The following RTEL1 variants were observed in gnomAD, a reference collection of about 807,000 sequenced individuals.
The protein encoded by RTEL1 is regulator of telomere length.
Under a neutral mutation model 162.2 loss-of-function variants are expected in RTEL1, and 86 were observed. The ratio of observed to expected loss-of-function variants is 0.53; its 90% CI spans 0.45 to 0.63. RTEL1 has a LOEUF of 0.63. Ranked by LOEUF, RTEL1 falls within the 30% of genes least tolerant of loss-of-function variation. The pLI is 0.00. For synonymous variants in RTEL1, 958 were observed against 717.9 expected, an observed-to-expected ratio of 1.33 and a Z score of -5.35; for missense variants, 1,941 against 1,750.2, an observed-to-expected ratio of 1.11 and a Z score of -1.95.
rs756091219 is a variant in RTEL1 at position 63,693,293 on chromosome 20, G to C, written c.2992+10G>C. On this transcript the variant is annotated intron_variant, in intron 30 of 34. Coordinates refer to ENST00000360203, the MANE Select transcript of RTEL1 (RefSeq NM_001283009.2). Reference sequence around the variant, plus strand: ...GTCCTGGACCCCACTGGTAAATGGGGCCCCAGGTGGGACCCTCAGACTCCT... The same window carrying C: ...GTCCTGGACCCCACTGGTAAATGGGCCCCCAGGTGGGACCCTCAGACTCCT... 1 of 1,611,246 alleles carries C rather than the reference G, an allele frequency of 6.2e-7. No individual in the cohort carries two copies. The highest frequency in any genetic ancestry group is 1.3e-5 in the African/African-American group (1 of 74,916).
At position 63,693,277 on chromosome 20, in the gene RTEL1, C is replaced by G. The variant is rs1288848082; in HGVS notation, c.2986C>G (p.Pro996Ala). Residue 996 changes from proline to alanine, a missense_variant, in exon 30 of 35, where the codon CCC becomes GCC. By Grantham distance (27) the Pro-to-Ala change is conservative. Coordinates refer to ENST00000360203, the MANE Select transcript of RTEL1 (RefSeq NM_001283009.2). ...RRQRAQPVLD[P>A]TGRTAPDPKL... ...GCAGCGGGCACAGCCGGTCCTGGAC[C>G]CCACTGGTAAATGGGGCCCCAGGTG... The G allele has an allele frequency of 1.2e-6, 2 of 1,611,674 alleles. No homozygotes were observed. Among genetic ancestry groups the G allele is most frequent in the Non-Finnish European group, 8.5e-7 (1 of 1,179,358 alleles).
intron 10 of RTEL1, among the ~76,000 whole-genome samples, chr20:63,675,647 G>A (rs2090333961): frequency 1.3e-5 from 2 of 152,128 alleles, no homozygotes; most frequent in Non-Finnish European, 2.9e-5. Flanking sequence ...TTAAAGCGCC[G>A]GGACCACAGG....
At chr20:63,690,003 G>A (rs1601170236) in intron 24 of RTEL1, 84 bp from the exon 25 acceptor site, 1 of 1,570,308 alleles carries the variant, frequency 6.4e-7, no homozygotes, top group South Asian at 1.1e-5. Context: ...TGGGGCCCCT[G>A]CAGCAGATGA....
chr20:63,674,168 G>A (rs1384485488), intron 10 of RTEL1, 75 bp downstream of exon 10: 65 of 1,529,954 alleles, frequency 4.2e-5, no homozygotes, highest in Admixed American at 3.4e-4. Flanking sequence ...AGTTCAGCAC[G>A]GACTCCCCCA....
chr20:63,682,965 TGTG>T (rs2090508436), intron 14 of RTEL1, among the ~76,000 whole-genome samples: 1 of 152,108 alleles, frequency 6.6e-6, no homozygotes, highest in South Asian at 2.1e-4. Flanking sequence ...CAGGGGGATT[TGTG>T]GTGGTGTTTT....
At chr20:63,683,788 G>T (rs1192681556) in intron 14 of RTEL1, among the ~76,000 whole-genome samples, 1 of 152,096 alleles carries the variant, frequency 6.6e-6, no homozygotes, top group South Asian at 2.1e-4. Flanking sequence ...GTCGTCACGC[G>T]CTCCTCTCCT....
intron 6 of RTEL1, among the ~76,000 whole-genome samples, 166 bp from the exon 7 acceptor site, chr20:63,665,838 T>C (rs2090114874): frequency 6.6e-6 from 1 of 152,178 alleles, no homozygotes; most frequent in Admixed American, 6.5e-5. Context: ...GGGCCTCTCT[T>C]GGGCACCTGA....
At position 63,693,021 on chromosome 20, in the gene RTEL1, G is replaced by GGCCACCCACCCTGAGGGCAGTGCT; in HGVS notation, c.2851+22_2851+45dup. ...GCTCCAAGGTGCCCTGGCTTGCAGA[G>GGCCACCCACCCTGAGGGCAGTGCT]GCCACCCACCCTGAGGGCAGTGCTG... is the stretch of plus-strand genomic sequence containing the variant. On this transcript the variant is annotated intron_variant, in intron 29 of 34. Transcript: ENST00000360203. 2 of 1,612,060 alleles carry GGCCACCCACCCTGAGGGCAGTGCT rather than the reference G, an allele frequency of 1.2e-6. No homozygotes were observed. The highest frequency in any genetic ancestry group is 2.2e-5 in the South Asian group (2 of 91,080).
rs1193559710 is a variant in RTEL1, at chr20:63,689,114, G to A, written c.1860G>A (p.Leu620=). 6.2e-7 allele frequency: 1 copy of A among 1,609,914 alleles called. No individual in the cohort carries two copies. The highest frequency in any genetic ancestry group is 8.5e-7 in the Non-Finnish European group (1 of 1,179,866). The part of the protein sequence containing the change: ...AAPGSTGATF[L]AVCRGKASEG... ...CTGGGTCCACCGGCGCCACCTTCCT[G>A]GCGGTCTGCCGGGGCAAGGTGAGCT... The change falls in exon 22 of 35, where the codon CTG becomes CTA. Residue 620 remains leucine (L), a synonymous_variant. Coordinates refer to ENST00000360203, the MANE Select transcript of RTEL1 (RefSeq NM_001283009.2).
intron 10 of RTEL1, among the ~76,000 whole-genome samples, chr20:63,677,455 A>C (rs569315352): frequency 7.2e-5 from 11 of 152,164 alleles, no homozygotes; most frequent in Non-Finnish European, 1.5e-4. Context: ...TCTCTACTAA[A>C]AATGCGAAAA....
chr20:63,675,226 G>C (rs2090325637), intron 10 of RTEL1, among the ~76,000 whole-genome samples: 1 of 152,190 alleles, frequency 6.6e-6, no homozygotes, highest in African/African-American at 2.4e-5. Flanking sequence ...TTTCTACATG[G>C]CTTCTGTAAA....
rs762474261 is a variant in RTEL1 at position 63,693,276 on chromosome 20, C to A, written c.2985C>A (p.Asp995Glu). ...GGCAGCGGGCACAGCCGGTCCTGGA[C>A]CCCACTGGTAAATGGGGCCCCAGGT... The part of the protein sequence containing the change: ...PRRQRAQPVL[D>E]PTGRTAPDPK... The change falls in exon 30 of 35, where the codon GAC becomes GAA. Residue 995 changes from aspartate to glutamate, a missense_variant. Coordinates refer to ENST00000360203, the MANE Select transcript of RTEL1 (RefSeq NM_001283009.2). 3.8e-5 allele frequency: 61 copies of A among 1,611,620 alleles called. No individual in the cohort carries two copies. In the East Asian group the frequency reaches 9.8e-4, roughly 26 times the overall value.
At chr20:63,688,710 G>GCTCCCGCTGC in intron 21 of RTEL1, 105 bp downstream of exon 21, 1 of 1,020,950 alleles carries the variant, frequency 9.8e-7, no homozygotes, top group Admixed American at 2.4e-5. Context: ...GGCTCCGGCG[G>GCTCCCGCTGC]CTCCCGCTGC....
At chr20:63,663,945 A>G (rs2090072138) in intron 6 of RTEL1, among the ~76,000 whole-genome samples, 1 of 152,160 alleles carries the variant, frequency 6.6e-6, no homozygotes, top group African/African-American at 2.4e-5. Context: ...TTGGAGGGAC[A>G]GGGTGGGCGG....
intron 21 of RTEL1, 38 bp from the exon 22 acceptor site, chr20:63,689,017 G>A (rs771523695): frequency 6.4e-7 from 1 of 1,569,688 alleles, no homozygotes; most frequent in East Asian, 2.2e-5. Flanking sequence ...GGGGCTGGGG[G>A]GGGGCTCCAG....
In RTEL1 at chr20:63,692,920, A is replaced by G. The variant is rs1010291129; in HGVS notation, c.2768A>G (p.Lys923Arg). The G allele has an allele frequency of 6.2e-7, 1 of 1,612,672 alleles. No homozygotes were observed. Among genetic ancestry groups the G allele is most frequent in the Non-Finnish European group, 8.5e-7 (1 of 1,179,860 alleles). ...TTCACCCAGGCCCTGCAGGACTACA[A>G]GGGTTCCGATGACTTCGCCGCCCTG... ...ATFTQALQDYKGSDDFAALAA... is the reference protein window; with the variant it reads ...ATFTQALQDYRGSDDFAALAA... Residue 923 changes from lysine (K) to arginine (R), a missense_variant, in exon 29 of 35, where the codon AAG (lysine) becomes AGG (arginine). Coordinates refer to ENST00000360203, the MANE Select transcript of RTEL1 (RefSeq NM_001283009.2).
chr20:63,682,967 T>C (rs1278103715), intron 14 of RTEL1, among the ~76,000 whole-genome samples: 1 of 152,164 alleles, frequency 6.6e-6, no homozygotes, highest in Non-Finnish European at 1.5e-5. Flanking sequence ...GGGGGATTTG[T>C]GGTGGTGTTT....
At position 63,680,710 on chromosome 20, in the gene RTEL1, C is replaced by T; in HGVS notation, c.1182C>T (p.Asp394=). ...CGGCCGGACTGCAGAAGCTGGCGGA[C>T]ATTATCCAGGTGGGGCCTGCTCCTC... ...TNTAGLQKLA[D]IIQIVFSVDP... Residue 394 remains aspartate, a synonymous_variant, in exon 14 of 35, where the codon GAC becomes GAT. Coordinates refer to ENST00000360203, the MANE Select transcript of RTEL1 (RefSeq NM_001283009.2). 6.2e-7 allele frequency: 1 copy of T among 1,613,394 alleles called. No individual in the cohort carries two copies.
intron 14 of RTEL1, 94 bp downstream of exon 14, chr20:63,680,813 G>A (rs1158119238): frequency 1.9e-6 from 3 of 1,576,436 alleles, no homozygotes; most frequent in Non-Finnish European, 2.6e-6. Context: ...TAGACTTGGG[G>A]ATGGGAGAAA....
Sources: gnomAD v4.1 joint callset for allele counts (sites outside exome capture counted in the v4.1 genomes callset) on GRCh38, gnomAD v4.1.1 for gene constraint, MANE v1.5 for transcripts, NCBI Gene and HGNC (gene_info 2026-07-23, HGNC 2026-07-21) for gene names.